B3GALT1: variants seen among roughly 807,000 people sequenced by gnomAD.
The protein encoded by B3GALT1 is beta-1,3-galactosyltransferase 1.
B3GALT1 carries 10 observed loss-of-function variants against 23.2 expected under a neutral mutation model. The observed-to-expected ratio is 0.43, with a 90% CI of 0.27 to 0.73. The LOEUF (loss-of-function observed/expected upper bound fraction) is 0.73. Among genes scored for constraint, B3GALT1 ranks in the 30% least tolerant of loss-of-function variants. The probability of loss-of-function intolerance (pLI) is 0.21; values close to 1 mark genes in which losing one functional copy is unlikely to be tolerated. For synonymous variants in B3GALT1, 156 were observed against 141.5 expected (o/e 1.10, Z -0.73); for missense variants, 299 against 405.4 (o/e 0.74, Z 2.25).
At chr2:167,349,324 C>T (rs1396238673) in intron 1 of B3GALT1, among the ~76,000 whole-genome samples, 1 of 152,098 alleles carries the variant, frequency 6.6e-6, no homozygotes, top group African/African-American at 2.4e-5. Context: ...ACCCATGAAC[C>T]GTCTGTTATC....
At chr2:167,382,598 A>G (rs942725997) in intron 1 of B3GALT1, among the ~76,000 whole-genome samples, 6 of 152,220 alleles carry the variant, frequency 3.9e-5, no homozygotes, top group Non-Finnish European at 7.3e-5. Context: ...TCAAAAAACA[A>G]CCACTTTTAG....
intron 3 of B3GALT1, chr2:167,716,201 G>A: frequency 9.8e-7 from 1 of 1,017,136 alleles, no homozygotes; most frequent in Non-Finnish European, 1.4e-6. Context: ...GCCGGCTGCG[G>A]AGGGAGCTGG....
chr2:167,786,322 G>A (rs1225141341), intron 3 of B3GALT1, among the ~76,000 whole-genome samples: 1 of 152,194 alleles, frequency 6.6e-6, no homozygotes, highest in Non-Finnish European at 1.5e-5. Context: ...AAGGTCAAAT[G>A]AAATAAATAT....
At chr2:167,718,284 C>CA (rs59948999) in intron 3 of B3GALT1, among the ~76,000 whole-genome samples, 31,760 of 143,966 alleles carry the variant, frequency 0.22, 3,836 homozygotes, top group Non-Finnish European at 0.29. Context: ...GGTTCATAAA[C>CA]AAAAAAAAAA....
At chr2:167,565,953 G>A (rs1489981709) in intron 2 of B3GALT1, among the ~76,000 whole-genome samples, 1 of 152,072 alleles carries the variant, frequency 6.6e-6, no homozygotes, top group African/African-American at 2.4e-5. Flanking sequence ...CGATTCCTCA[G>A]GGATGTAGAA....
chr2:167,649,297 A>T (rs936777670), intron 3 of B3GALT1, among the ~76,000 whole-genome samples: 6 of 152,158 alleles, frequency 3.9e-5, no homozygotes, highest in African/African-American at 1.4e-4. Context: ...TTTTATTTTT[A>T]TTGAGGCAAA....
At chr2:167,515,425 T>C (rs1286577118) in intron 2 of B3GALT1, among the ~76,000 whole-genome samples, 2 of 152,132 alleles carry the variant, frequency 1.3e-5, no homozygotes, top group Non-Finnish European at 2.9e-5. Context: ...TGAAAAAGAA[T>C]TCTTAATGAT....
chr2:167,606,289 G>C (rs992328895), intron 2 of B3GALT1, among the ~76,000 whole-genome samples: 2 of 152,080 alleles, frequency 1.3e-5, no homozygotes, highest in Non-Finnish European at 2.9e-5. Context: ...AAACCTATGG[G>C]GGAATGTGCT....
At chr2:167,694,227 C>G (rs1365096706) in intron 3 of B3GALT1, among the ~76,000 whole-genome samples, 5 of 152,088 alleles carry the variant, frequency 3.3e-5, no homozygotes, top group Non-Finnish European at 7.4e-5. Context: ...TTATTGCAGG[C>G]ATAATTCTCA....
chr2:167,872,058 C>T lies in B3GALT1; in HGVS notation c.*2038C>T, dbSNP rs1052753221. 5 of 151,462 alleles carry T rather than the reference C, an allele frequency of 3.3e-5. No individual in the cohort carries two copies. In the South Asian group the frequency reaches 6.3e-4, roughly 19 times the overall value. The allele number at this position is 151,462 out of a possible 1,614,324, so 9.4% of individuals were successfully genotyped here. A position where few individuals can be genotyped will look rare whatever the true frequency, so the allele number is the denominator to read the frequency against. ...CTGGGACTACAGGCGCCCGCCATCA[C>T]GCCCGGCTAATTTTTTTGTATTTTT... is the stretch of plus-strand genomic sequence containing the variant. On this transcript the variant is annotated 3_prime_UTR_variant, in exon 5 of 5. Transcript: ENST00000392690.
At chr2:167,683,642 G>A (rs968888417) in intron 3 of B3GALT1, among the ~76,000 whole-genome samples, 2 of 152,072 alleles carry the variant, frequency 1.3e-5, no homozygotes, top group African/African-American at 4.8e-5. Flanking sequence ...GAACACCTGG[G>A]CCTGAAAGGT....
intron 1 of B3GALT1, among the ~76,000 whole-genome samples, chr2:167,394,130 A>G (rs984774039): frequency 6.6e-6 from 1 of 152,176 alleles, no homozygotes; most frequent in Non-Finnish European, 1.5e-5. Context: ...CTTAGTGTAT[A>G]CCTTTTAACA....
intron 1 of B3GALT1, among the ~76,000 whole-genome samples, chr2:167,333,734 C>G (rs1416264719): frequency 6.6e-6 from 1 of 152,060 alleles, no homozygotes; most frequent in Admixed American, 6.5e-5. Context: ...TTAGATGACA[C>G]TTAGAGAATT....
chr2:167,393,467 T>C (rs1698051358), intron 1 of B3GALT1, among the ~76,000 whole-genome samples: 1 of 151,860 alleles, frequency 6.6e-6, no homozygotes, highest in African/African-American at 2.4e-5. Flanking sequence ...GTTTCTCCCC[T>C]AACAGGAAAA....
intron 3 of B3GALT1, among the ~76,000 whole-genome samples, chr2:167,735,133 A>C (rs983390388): frequency 2.0e-5 from 3 of 152,244 alleles, no homozygotes; most frequent in African/African-American, 4.8e-5. Flanking sequence ...AAGTGAAAGC[A>C]GGCTTAAGCG....
At chr2:167,643,001 T>C (rs1005500415) in intron 2 of B3GALT1, among the ~76,000 whole-genome samples, 7 of 152,196 alleles carry the variant, frequency 4.6e-5, no homozygotes, top group African/African-American at 1.7e-4. Context: ...TAGTTATGTG[T>C]AAGGATGTAA....
Position 167,773,530 on chromosome 2 carries a change from TATAAG to T in B3GALT1, c.-351-45140_-351-45136del, listed in dbSNP as rs564112588. Among the ~76,000 whole-genome samples, 533 of 152,230 alleles carry T rather than the reference TATAAG, an allele frequency of 3.5e-3. 4 individuals are homozygous for T. The highest frequency in any genetic ancestry group is 6.9e-3 in the Admixed American group (106 of 15,284). ...GTATAGACTAAAGATAAGTTAAAAA[TATAAG>T]AAGGAAGAAATTAACTGCAGAAGAG... On this transcript the variant is annotated intron_variant, in intron 3 of 4. Transcript: ENST00000392690.
chr2:167,728,162 C>T (rs1024730350), intron 3 of B3GALT1, among the ~76,000 whole-genome samples: 8 of 152,142 alleles, frequency 5.3e-5, no homozygotes, highest in Non-Finnish European at 1.0e-4. Context: ...CAAGGGGGAG[C>T]GGATCACCTG....
chr2:167,564,497 G>C (rs1037826103), intron 2 of B3GALT1, among the ~76,000 whole-genome samples: 1 of 152,180 alleles, frequency 6.6e-6, no homozygotes, highest in Non-Finnish European at 1.5e-5. Flanking sequence ...GGCACCCTGG[G>C]AGGCCAAGGC....
Sources: allele counts gnomAD v4.1 joint callset (sites outside exome capture counted in the v4.1 genomes callset), GRCh38; gene constraint gnomAD v4.1.1; transcripts MANE v1.5; gene names NCBI Gene and HGNC (gene_info 2026-07-23, HGNC 2026-07-21).